The following DNAAF6 variants were observed in gnomAD, a reference collection of about 807,000 sequenced individuals.
The protein encoded by DNAAF6 is PIH1 domain containing 3.
DNAAF6 carries 3 observed loss-of-function variants against 13.7 expected under a neutral mutation model. The ratio of observed to expected loss-of-function variants is 0.22; its 90% CI spans 0.10 to 0.56. The LOEUF is 0.56. Ranked by LOEUF, DNAAF6 falls within the 20% of genes least tolerant of loss-of-function variation. The pLI, the probability that DNAAF6 is intolerant of heterozygous loss-of-function variation, is 0.92. For missense variants in DNAAF6, 130 were observed against 151.0 expected (o/e 0.86, Z 0.73); for synonymous variants, 54 against 49.2 (o/e 1.10, Z -0.41).
intron 2 of DNAAF6, among the ~76,000 whole-genome samples, chrX:107,215,828 T>C (rs1310849713): frequency 9.0e-6 from 1 of 110,868 alleles, no homozygotes; most frequent in African/African-American, 3.3e-5. Flanking sequence ...AGCAGTGGAG[T>C]GAGTTGGAGC....
chrX:107,217,673 C>A (rs1415408154), intron 3 of DNAAF6, among the ~76,000 whole-genome samples: 5 of 112,051 alleles, frequency 4.5e-5, no homozygotes, highest in Non-Finnish European at 5.6e-5. Context: ...GGCTCTAATT[C>A]TGTTGGTCAT....
chrX:107,216,805 G>A, intron 3 of DNAAF6, 62 bp downstream of exon 3: 1 of 845,360 alleles, frequency 1.2e-6, no homozygotes, highest in Non-Finnish European at 1.7e-6. Context: ...AGAAATTATA[G>A]GGAGAGTAAT....
intron 1 of DNAAF6, chrX:107,207,148 G>A (rs958765532): frequency 1.8e-5 from 2 of 111,562 alleles, no homozygotes; most frequent in African/African-American, 3.3e-5. Flanking sequence ...ATATGTGCAG[G>A]CACGATTTAT....
intron 3 of DNAAF6, 56 bp from the exon 4 acceptor site, chrX:107,218,808 C>T (rs1928055103): frequency 2.0e-5 from 22 of 1,099,240 alleles, no homozygotes; most frequent in Non-Finnish European, 2.7e-5. Flanking sequence ...AGAACAGGAG[C>T]AATTTAGAGA....
At chrX:107,243,056 TGG>T in intron 6 of DNAAF6, 111 bp from the exon 7 acceptor site, 1 of 737,838 alleles carries the variant, frequency 1.4e-6, no homozygotes, top group Non-Finnish European at 1.9e-6. Flanking sequence ...ATCTAAATAT[TGG>T]GGGGGGGTTG....
At chrX:107,208,389 C>T (rs751323302) in intron 1 of DNAAF6, among the ~76,000 whole-genome samples, 4 of 108,977 alleles carry the variant, frequency 3.7e-5, no homozygotes, top group African/African-American at 1.3e-4. Context: ...GCCGAGATCG[C>T]GCCACTGCAC....
At chrX:107,217,011 A>G (rs1928008095) in intron 3 of DNAAF6, among the ~76,000 whole-genome samples, 1 of 111,348 alleles carries the variant, frequency 9.0e-6, no homozygotes, top group South Asian at 3.8e-4. Flanking sequence ...GTATATCATA[A>G]ATATATACAA....
chrX:107,212,121 A>G (rs1287944004), intron 1 of DNAAF6, among the ~76,000 whole-genome samples: 5 of 111,450 alleles, frequency 4.5e-5, no homozygotes, highest in Non-Finnish European at 9.4e-5. Flanking sequence ...TTCCCACCTA[A>G]TGAGAACCAG....
At chrX:107,241,135 T>C (rs186930890) in intron 6 of DNAAF6, among the ~76,000 whole-genome samples, 1 of 112,287 alleles carries the variant, frequency 8.9e-6, no homozygotes, top group African/African-American at 3.2e-5. Flanking sequence ...TTATATAAGA[T>C]AAAAATTTCA....
chrX:107,208,452 C>T (rs754735696), intron 1 of DNAAF6, among the ~76,000 whole-genome samples: 1 of 109,877 alleles, frequency 9.1e-6, no homozygotes, highest in South Asian at 4.1e-4. Context: ...AACAAAAAAA[C>T]CCCTCCATTT....
intron 5 of DNAAF6, among the ~76,000 whole-genome samples, chrX:107,227,193 A>G (rs1044281328): frequency 2.7e-5 from 3 of 111,174 alleles, no homozygotes; most frequent in Non-Finnish European, 5.7e-5. Flanking sequence ...CCAGATTCAA[A>G]CAATTCTCCT....
At chrX:107,226,710 T>C (rs138758678) in intron 5 of DNAAF6, among the ~76,000 whole-genome samples, 69 of 112,126 alleles carry the variant, frequency 6.2e-4, no homozygotes, top group Middle Eastern at 4.6e-3. Flanking sequence ...TGCAGATAGC[T>C]TGATGCTCTT....
Position 107,237,760 on chromosome X carries a change from G to A in DNAAF6, c.430-1162G>A, listed in dbSNP as rs181107446. On this transcript the variant is annotated intron_variant, in intron 5 of 6. Coordinates refer to ENST00000372453, the MANE Select transcript of DNAAF6 (RefSeq NM_173494.2). ...GCACGTTGGGAGGCTGAGGCGGGCA[G>A]ATCACAAGGTCAGGAGATCGATACC... is the stretch of plus-strand genomic sequence containing the variant. Among the ~76,000 whole-genome samples the A allele has an allele frequency of 4.7e-3, 523 of 112,187 alleles. 4 individuals carry two copies. Among genetic ancestry groups the A allele is most frequent in the African/African-American group, 0.016 (491 of 30,906 alleles).
intron 4 of DNAAF6, among the ~76,000 whole-genome samples, chrX:107,221,267 G>A (rs1928132229): frequency 9.1e-6 from 1 of 109,328 alleles, no homozygotes; most frequent in Non-Finnish European, 1.9e-5. Context: ...GAGCCACAGT[G>A]CCCAACCAAA....
chrX:107,216,657 T>A lies in DNAAF6; in HGVS notation c.154-14T>A. 8.6e-7 allele frequency: 1 copy of A among 1,161,204 alleles called. No individual in the cohort carries two copies. Reference sequence around the variant, plus strand: ...TATTAATTACAGAATATTGAACTTTTTCTCCTCCCTCAGACAAATGGTTTA... The same window carrying A: ...TATTAATTACAGAATATTGAACTTTATCTCCTCCCTCAGACAAATGGTTTA... On this transcript the variant is annotated splice_polypyrimidine_tract_variant and intron_variant, in intron 2 of 6. Coordinates refer to ENST00000372453, the MANE Select transcript of DNAAF6 (RefSeq NM_173494.2).
chrX:107,222,839 G>C lies in DNAAF6; in HGVS notation c.427G>C (p.Val143Leu). Residue 143 changes from valine to leucine, a missense_variant and splice_region_variant, in exon 5 of 7, where the codon GTG becomes CTG. Coordinates refer to ENST00000372453, the MANE Select transcript of DNAAF6 (RefSeq NM_173494.2). ...CTCAACAGGTTGTTGCAGTGAACTA[G>C]TGGTAAGCCTCTCCTCCCCTTCTTC... ...DSSTGCCSEL[V>L]AKIKLPNTNP... 8.4e-7 allele frequency: 1 copy of C among 1,196,296 alleles called. No homozygotes were observed. The highest frequency in any genetic ancestry group is 1.1e-6 in the Non-Finnish European group (1 of 889,373).
intron 4 of DNAAF6, among the ~76,000 whole-genome samples, chrX:107,220,931 CTT>C (rs1329165793): frequency 3.6e-5 from 3 of 83,796 alleles, no homozygotes; most frequent in African/African-American, 1.4e-4. Context: ...TTCTTTCTTT[CTT>C]TCTTTCTTTC....
chrX:107,232,683 G>C (rs751769542), intron 5 of DNAAF6, among the ~76,000 whole-genome samples: 7 of 111,540 alleles, frequency 6.3e-5, no homozygotes, highest in Admixed American at 1.9e-4. Context: ...CAATATTTGA[G>C]CAGACACCTG....
chrX:107,225,165 A>G, intron 5 of DNAAF6, among the ~76,000 whole-genome samples: 1 of 109,685 alleles, frequency 9.1e-6, no homozygotes, highest in East Asian at 2.9e-4. Context: ...GCTGACTCTC[A>G]AAAAAGATAA....
Sources: allele counts gnomAD v4.1 joint callset (sites outside exome capture counted in the v4.1 genomes callset), GRCh38; gene constraint gnomAD v4.1.1; transcripts MANE v1.5; gene names NCBI Gene and HGNC (gene_info 2026-07-23, HGNC 2026-07-21).